The following MYO1D variants were observed in gnomAD, a reference collection of about 807,000 sequenced individuals.
MYO1D encodes myosin ID.
MYO1D carries 83 observed loss-of-function variants against 122.0 expected under a neutral mutation model. That is an observed-to-expected ratio of 0.68 (90% CI 0.57 to 0.82). MYO1D has a LOEUF of 0.82. Among genes scored for constraint, MYO1D ranks in the 40% least tolerant of loss-of-function variants. The pLI, the probability that MYO1D is intolerant of heterozygous loss-of-function variation, is 0.00. For missense variants in MYO1D, 1,157 were observed against 1,269.5 expected (o/e 0.91, Z 1.35); for synonymous variants, 464 against 446.9 (o/e 1.04, Z -0.48).
intron 1 of MYO1D, among the ~76,000 whole-genome samples, chr17:32,786,216 T>C (rs769697460): frequency 2.0e-5 from 3 of 152,116 alleles, no homozygotes; most frequent in Admixed American, 6.5e-5. Context: ...CTTCTAAGTA[T>C]ATGTAAGGTG....
At chr17:32,861,246 T>C (rs911041023) in intron 1 of MYO1D, among the ~76,000 whole-genome samples, 17 of 151,992 alleles carry the variant, frequency 1.1e-4, no homozygotes, top group African/African-American at 4.1e-4. Flanking sequence ...TTTGTATTTT[T>C]AGTAGAGATG....
At chr17:32,724,118 C>T (rs948095621) in intron 14 of MYO1D, among the ~76,000 whole-genome samples, 3 of 152,022 alleles carry the variant, frequency 2.0e-5, no homozygotes, top group African/African-American at 4.8e-5. Flanking sequence ...ATGGGGAAGT[C>T]GGGCGGAGGC....
At chr17:32,770,847 G>A (rs1001202882) in intron 6 of MYO1D, among the ~76,000 whole-genome samples, 5 of 152,190 alleles carry the variant, frequency 3.3e-5, no homozygotes, top group South Asian at 4.2e-4. Flanking sequence ...GAAAATAAAC[G>A]GAATAGGGAT....
At chr17:32,859,668 T>G (rs1948847129) in intron 1 of MYO1D, among the ~76,000 whole-genome samples, 1 of 152,240 alleles carries the variant, frequency 6.6e-6, no homozygotes, top group African/African-American at 2.4e-5. Flanking sequence ...CGCAAGTATT[T>G]GAGGTTGGTG....
Position 32,760,592 on chromosome 17 carries a change from A to C in MYO1D, c.1071T>G (p.Thr357=). ...TGACCTCAATAATATCATTGATGCG[A>C]GTAACGATCCAACAAAAAAGGCGCT... The part of the protein sequence containing the change: ...IYERLFCWIV[T]RINDIIEVKN... The change falls in exon 9 of 22, where the codon ACT becomes ACG. Residue 357 remains threonine (T), a synonymous_variant. Transcript: ENST00000318217. The C allele has an allele frequency of 1.2e-6, 2 of 1,611,576 alleles. No individual in the cohort carries two copies. The highest frequency in any genetic ancestry group is 1.7e-6 in the Non-Finnish European group (2 of 1,179,164).
At chr17:32,858,440 T>TC (rs1405464249) in intron 1 of MYO1D, among the ~76,000 whole-genome samples, 1 of 152,224 alleles carries the variant, frequency 6.6e-6, no homozygotes. Context: ...CTAGAATACT[T>TC]CCTCAGTCTT....
intron 6 of MYO1D, among the ~76,000 whole-genome samples, chr17:32,769,965 C>T (rs562840349): frequency 3.3e-5 from 5 of 152,280 alleles, no homozygotes; most frequent in Admixed American, 1.3e-4. Flanking sequence ...CAAACATTCC[C>T]AGTCACTGGC....
intron 16 of MYO1D, among the ~76,000 whole-genome samples, chr17:32,688,744 A>G (rs2089055143): frequency 6.6e-6 from 1 of 152,128 alleles, no homozygotes; most frequent in Non-Finnish European, 1.5e-5. Flanking sequence ...TTGAACGGAG[A>G]CACAACACCA....
At chr17:32,533,430 TACTACACTTCACTACTC>T (rs1910571065) in intron 21 of MYO1D, among the ~76,000 whole-genome samples, 1 of 152,110 alleles carries the variant, frequency 6.6e-6, no homozygotes, top group Non-Finnish European at 1.5e-5. Context: ...TTTCCTCCCT[TACTACACTTCACTACTC>T]AGACTCATCA....
chr17:32,602,478 G>C (rs184655286), intron 21 of MYO1D: 14 of 152,334 alleles, frequency 9.2e-5, no homozygotes, highest in Non-Finnish European at 1.8e-4. Flanking sequence ...GGTGGTACCA[G>C]AGCAGCATTT....
chr17:32,581,840 A>C (rs1026407428), intron 21 of MYO1D, among the ~76,000 whole-genome samples: 2 of 151,920 alleles, frequency 1.3e-5, no homozygotes, highest in Non-Finnish European at 2.9e-5. Context: ...ATCTCGGCTC[A>C]CCGCAACCTC....
chr17:32,697,097 A>AC (rs1338150446), intron 16 of MYO1D, among the ~76,000 whole-genome samples: 1 of 152,178 alleles, frequency 6.6e-6, no homozygotes, highest in Non-Finnish European at 1.5e-5. Flanking sequence ...CCTTGCAGTC[A>AC]CTGCCTACTA....
At chr17:32,776,106 C>T in intron 3 of MYO1D, 77 bp from the exon 4 acceptor site, 1 of 1,294,116 alleles carries the variant, frequency 7.7e-7, no homozygotes, top group Non-Finnish European at 1.1e-6. Flanking sequence ...TTTTGCTAAA[C>T]CACATACAAA....
chr17:32,543,030 T>C (rs1181113055), intron 21 of MYO1D, among the ~76,000 whole-genome samples: 1 of 151,828 alleles, frequency 6.6e-6, no homozygotes, highest in Admixed American at 6.6e-5. Context: ...ATCGAGACCA[T>C]CCTGGCTAAC....
intron 21 of MYO1D, among the ~76,000 whole-genome samples, chr17:32,592,902 C>T (rs1316415772): frequency 6.6e-6 from 1 of 152,176 alleles, no homozygotes; most frequent in East Asian, 1.9e-4. Flanking sequence ...GTTTTTCTTG[C>T]CCAGTACCGT....
chr17:32,573,943 C>T (rs894562899), intron 21 of MYO1D, among the ~76,000 whole-genome samples: 1 of 152,224 alleles, frequency 6.6e-6, no homozygotes, highest in Non-Finnish European at 1.5e-5. Flanking sequence ...GCTCCGCCCC[C>T]CAGGGTTCAC....
At chr17:32,557,563 T>A (rs1235113046) in intron 21 of MYO1D, among the ~76,000 whole-genome samples, 2 of 151,934 alleles carry the variant, frequency 1.3e-5, no homozygotes, top group African/African-American at 4.8e-5. Flanking sequence ...AGTGGCAGGA[T>A]CTTGGGTCAC....
intron 21 of MYO1D, among the ~76,000 whole-genome samples, chr17:32,521,294 A>G (rs991341000): frequency 1.4e-4 from 21 of 152,148 alleles, no homozygotes; most frequent in Non-Finnish European, 2.9e-4. Flanking sequence ...CACCTAAAAT[A>G]GGGAAGAGAA....
intron 15 of MYO1D, among the ~76,000 whole-genome samples, chr17:32,714,624 G>T (rs1338396144): frequency 6.6e-6 from 1 of 152,102 alleles, no homozygotes; most frequent in African/African-American, 2.4e-5. Context: ...GCCATATGCA[G>T]AAAATTGAAA....
Sources: allele counts gnomAD v4.1 joint callset (sites outside exome capture counted in the v4.1 genomes callset), GRCh38; gene constraint gnomAD v4.1.1; transcripts MANE v1.5; gene names NCBI Gene and HGNC (gene_info 2026-07-23, HGNC 2026-07-21).